The following VIPR2 variants were observed in gnomAD, a reference collection of about 807,000 sequenced individuals.
VIPR2 encodes the protein vasoactive intestinal peptide receptor 2, also known as vasoactive intestinal polypeptide receptor 2.
Under a neutral mutation model 58.0 loss-of-function variants are expected in VIPR2, and 48 were observed. That is an observed-to-expected ratio of 0.83 (90% CI 0.66 to 1.05). The LOEUF (loss-of-function observed/expected upper bound fraction) is 1.05. Ranked by LOEUF, VIPR2 falls within the 50% of genes least tolerant of loss-of-function variation. The pLI, the probability that VIPR2 is intolerant of heterozygous loss-of-function variation, is 0.00. For missense variants in VIPR2, 534 were observed against 558.0 expected, an observed-to-expected ratio of 0.96 and a Z score of 0.43; for synonymous variants, 243 against 235.2, an observed-to-expected ratio of 1.03 and a Z score of -0.30.
At chr7:159,039,030 G>C (rs966134846) in intron 6 of VIPR2, among the ~76,000 whole-genome samples, 2 of 152,236 alleles carry the variant, frequency 1.3e-5, no homozygotes, top group African/African-American at 2.4e-5. Context: ...CACAGAGGCA[G>C]TGCCAACGCC....
At chr7:159,052,795 T>C (rs1372386205) in intron 5 of VIPR2, among the ~76,000 whole-genome samples, 3 of 152,230 alleles carry the variant, frequency 2.0e-5, no homozygotes, top group Admixed American at 6.5e-5. Context: ...AAAAACCATA[T>C]GTATGTACAT....
intron 4 of VIPR2, among the ~76,000 whole-genome samples, chr7:159,079,978 G>A (rs1487525197): frequency 1.3e-5 from 2 of 152,116 alleles, no homozygotes; most frequent in African/African-American, 4.8e-5. Context: ...ATAATTAATA[G>A]CTTACCAACC....
At chr7:159,137,377 TA>T (rs796731721) in intron 2 of VIPR2, among the ~76,000 whole-genome samples, 24 of 151,668 alleles carry the variant, frequency 1.6e-4, no homozygotes, top group Admixed American at 3.9e-4. Context: ...GACATTACTT[TA>T]AAAAAAAATA....
intron 4 of VIPR2, among the ~76,000 whole-genome samples, chr7:159,091,860 G>A (rs1857526647): frequency 6.6e-6 from 1 of 152,252 alleles, no homozygotes; most frequent in Non-Finnish European, 1.5e-5. Context: ...AGGGGCAGGG[G>A]CTCATGCCTG....
intron 10 of VIPR2, among the ~76,000 whole-genome samples, chr7:159,032,289 G>C (rs1009862843): frequency 6.6e-6 from 1 of 151,452 alleles, no homozygotes; most frequent in Admixed American, 6.6e-5. Context: ...CGTGCATTCC[G>C]GAAGTGTCCG....
Position 159,031,959 on chromosome 7 carries a change from C to G in VIPR2, c.1080G>C (p.Glu360Asp). 1 of 1,614,190 alleles carries G rather than the reference C, an allele frequency of 6.2e-7. No individual in the cohort carries two copies. The highest frequency in any genetic ancestry group is 8.5e-7 in the Non-Finnish European group (1 of 1,180,046). Residue 360 changes from glutamate to aspartate, a missense_variant, in exon 11 of 13, where the codon GAG becomes GAC. Transcript: ENST00000262178. The surrounding 1 kb of genome is among the most constrained non-coding windows in gnomAD (Gnocchi z 4.0). ...CTACCTGGAACGACCCGAGGCACAG[C>G]TCAAACAGTATCTGGTATTTGGAGG... is the stretch of plus-strand genomic sequence containing the variant. ...SISSKYQILF[E>D]LCLGSFQGLV...
In VIPR2 at chr7:159,097,052, G is replaced by C. The variant is rs1857900874; in HGVS notation, c.357+6705C>G. 1 of 1,548,066 alleles carries C rather than the reference G, an allele frequency of 6.5e-7. No homozygotes were observed. The highest frequency in any genetic ancestry group is 8.7e-7 in the Non-Finnish European group (1 of 1,145,314). ...CAGGCCGCTCTGGGGGTCTCTGGCA[G>C]GCTCCTCCTGGCACCCTGGGAGGCT... On this transcript the variant is annotated intron_variant, in intron 4 of 12. Coordinates refer to ENST00000262178, the MANE Select transcript of VIPR2 (RefSeq NM_003382.5). The surrounding 1 kb of genome is among the most constrained non-coding windows in gnomAD (Gnocchi z 5.3).
chr7:159,101,985 GGT>G (rs1858300372), intron 4 of VIPR2, among the ~76,000 whole-genome samples: 1 of 147,002 alleles, frequency 6.8e-6, no homozygotes, highest in African/African-American at 2.6e-5. Flanking sequence ...CTGTTCCTGT[GGT>G]AGTGAATGAG....
chr7:159,141,791 T>C (rs1563362776), intron 2 of VIPR2, among the ~76,000 whole-genome samples: 2 of 152,206 alleles, frequency 1.3e-5, no homozygotes, highest in Non-Finnish European at 1.5e-5. Context: ...AGATTTAATT[T>C]CTTTCTTGAA....
rs1202441301 is a variant in VIPR2 at position 159,128,902 on chromosome 7, T to C, written c.151+13544A>G. Among the ~76,000 whole-genome samples, 2 of 152,146 alleles carry C rather than the reference T, an allele frequency of 1.3e-5. No individual in the cohort carries two copies. Among genetic ancestry groups the C allele is most frequent in the Non-Finnish European group, 2.9e-5 (2 of 68,030 alleles). On this transcript the variant is annotated intron_variant, in intron 2 of 12. Coordinates refer to ENST00000262178, the MANE Select transcript of VIPR2 (RefSeq NM_003382.5). This position sits in a 1 kb window ranked among gnomAD's most constrained non-coding sequence, Gnocchi z 4.1. ...TCAGTCCTGACACAGGCTTCTTCCA[T>C]CTGCTGCACACCAAAGCCCACCACC...
chr7:159,101,239 G>C (rs1858210338), intron 4 of VIPR2, among the ~76,000 whole-genome samples: 1 of 146,708 alleles, frequency 6.8e-6, no homozygotes, highest in Non-Finnish European at 1.5e-5. Context: ...CTGTTCCTGT[G>C]ATAGTGAACG....
At chr7:159,137,287 C>CAGAA in intron 2 of VIPR2, among the ~76,000 whole-genome samples, 1 of 152,210 alleles carries the variant, frequency 6.6e-6, no homozygotes, top group South Asian at 2.1e-4. Context: ...AACCATAATT[C>CAGAA]CCTTTATGAT....
chr7:159,124,776 GT>G (rs1275357486), intron 2 of VIPR2, among the ~76,000 whole-genome samples: 3 of 152,150 alleles, frequency 2.0e-5, no homozygotes, highest in African/African-American at 7.2e-5. Context: ...AGCAGGGGAT[GT>G]TTTTCCATTT....
rs1165530474 is a variant in VIPR2, at chr7:159,035,963, T to C, written c.798A>G (p.Leu266=). The C allele has an allele frequency of 1.2e-6, 2 of 1,613,832 alleles. No homozygotes were observed. Among genetic ancestry groups the C allele is most frequent in the East Asian group, 2.2e-5 (1 of 44,866 alleles). ...IGAWTAARLY[L]EDTGCWDTND... ...GGTCATGGACTCACCCGGTGTCTTC[T>C]AAGTAGAGCCTGGCCGCAGTCCATG... Residue 266 remains leucine, a synonymous_variant, in exon 8 of 13, where the codon TTA becomes TTG. Transcript: ENST00000262178.
chr7:159,100,907 A>C (rs1377292454), intron 4 of VIPR2, among the ~76,000 whole-genome samples: 1 of 144,330 alleles, frequency 6.9e-6, no homozygotes, highest in Non-Finnish European at 1.5e-5. Flanking sequence ...CGTTCCCCCG[A>C]CTGTTCCTGT....
At chr7:159,035,583 C>T (rs1283488219) in intron 8 of VIPR2, among the ~76,000 whole-genome samples, 1 of 152,218 alleles carries the variant, frequency 6.6e-6, no homozygotes, top group Non-Finnish European at 1.5e-5. Flanking sequence ...TGCCGGGGGG[C>T]CCTGCAGCCA....
chr7:159,142,951 G>C (rs943352741), intron 1 of VIPR2, among the ~76,000 whole-genome samples: 1 of 152,240 alleles, frequency 6.6e-6, no homozygotes, highest in Non-Finnish European at 1.5e-5. Flanking sequence ...ACCCGGGAAA[G>C]AGCCGTGATA....
chr7:159,071,984 T>A (rs72505596), intron 4 of VIPR2, among the ~76,000 whole-genome samples: 95 of 143,386 alleles, frequency 6.6e-4, no homozygotes, highest in Admixed American at 1.7e-3. Flanking sequence ...CTGCAGCACC[T>A]GCTGGATGAA....
intron 2 of VIPR2, among the ~76,000 whole-genome samples, chr7:159,131,482 T>C (rs979053147): frequency 4.6e-5 from 7 of 152,218 alleles, no homozygotes; most frequent in East Asian, 1.9e-4. Flanking sequence ...TCTGGTCTGA[T>C]GTAAAACGCA....
Sources: gnomAD v4.1 joint callset for allele counts (sites outside exome capture counted in the v4.1 genomes callset) on GRCh38, gnomAD v4.1.1 for gene constraint, Gnocchi (gnomAD v3.1) non-coding constraint, MANE v1.5 for transcripts, NCBI Gene and HGNC (gene_info 2026-07-23, HGNC 2026-07-21) for gene names.